The following TP53BP2 variants were observed in gnomAD, a reference collection of about 807,000 sequenced individuals.
The protein encoded by TP53BP2 is tumor protein p53 binding protein 2.
TP53BP2 carries 62 observed loss-of-function variants against 126.2 expected under a neutral mutation model. The ratio of observed to expected loss-of-function variants is 0.49; its 90% CI spans 0.40 to 0.61. The LOEUF is 0.61. TP53BP2 is among the 20% of genes least tolerant of loss of function. The pLI, the probability that TP53BP2 is intolerant of heterozygous loss-of-function variation, is 0.00. For missense variants in TP53BP2, 1,215 were observed against 1,402.8 expected, an observed-to-expected ratio of 0.87 and a Z score of 2.14; for synonymous variants, 485 against 502.9, an observed-to-expected ratio of 0.96 and a Z score of 0.48.
intron 1 of TP53BP2, among the ~76,000 whole-genome samples, chr1:223,839,353 G>C (rs1391046336): frequency 2.0e-5 from 3 of 152,222 alleles, no homozygotes; most frequent in Non-Finnish European, 4.4e-5. Flanking sequence ...ACCAGGCACA[G>C]TGTGAGGCAC....
chr1:223,804,170 T>C lies in TP53BP2; in HGVS notation c.649+4A>G. On this transcript the variant is annotated splice_donor_region_variant and intron_variant, in intron 6 of 17. Transcript: ENST00000343537. ...AAAAAGTAAATCTATGAGGAACAAC[T>C]CACCAAGTTTCCCATTGCTTAGTCT... 1 of 1,597,338 alleles carries C rather than the reference T, an allele frequency of 6.3e-7. No homozygotes were observed. Among genetic ancestry groups the C allele is most frequent in the Non-Finnish European group, 8.5e-7 (1 of 1,175,530 alleles).
intron 16 of TP53BP2, among the ~76,000 whole-genome samples, chr1:223,787,803 T>G (rs1003483051): frequency 2.6e-5 from 4 of 151,676 alleles, no homozygotes; most frequent in Admixed American, 6.6e-5. Context: ...ACCTGAGCCC[T>G]GGCAGTCAAG....
intron 17 of TP53BP2, among the ~76,000 whole-genome samples, chr1:223,783,741 G>C (rs1379713736): frequency 6.6e-6 from 1 of 152,162 alleles, no homozygotes; most frequent in Non-Finnish European, 1.5e-5. Context: ...AAATCAAATA[G>C]TACAGAAAAA....
intron 1 of TP53BP2, chr1:223,845,312 T>A: frequency 1.1e-6 from 1 of 946,966 alleles, no homozygotes; most frequent in Non-Finnish European, 1.3e-6. Context: ...GGTTCCCGTA[T>A]TCTTGACCTT....
At chr1:223,845,551 GC>G in intron 1 of TP53BP2, 102 bp downstream of exon 1, 7 of 1,264,766 alleles carry the variant, frequency 5.5e-6, no homozygotes, top group Admixed American at 4.0e-5. Context: ...GCGGGCTGCG[GC>G]CCCCAGGCTC....
chr1:223,829,738 A>C lies in TP53BP2; in HGVS notation c.28-8371T>G, dbSNP rs191193049. On this transcript the variant is annotated intron_variant, in intron 1 of 17. Coordinates refer to ENST00000343537, the MANE Select transcript of TP53BP2 (RefSeq NM_001031685.3). ...AGAGTGCAGCAATAATCAGGTCAAA[A>C]AAAAAAAAAAACAGCTGTTACAGAT... Among the ~76,000 whole-genome samples, 13 of 151,666 alleles carry C rather than the reference A, an allele frequency of 8.6e-5. No individual in the cohort carries two copies. In the East Asian group the frequency reaches 2.3e-3, roughly 27 times the overall value.
chr1:223,824,662 T>C (rs1460880901), intron 1 of TP53BP2, among the ~76,000 whole-genome samples: 1 of 152,082 alleles, frequency 6.6e-6, no homozygotes, highest in Non-Finnish European at 1.5e-5. Context: ...TCCCAGAACT[T>C]AAAATTAATT....
rs145847684 is a variant in TP53BP2 at position 223,835,044 on chromosome 1, A to G, written c.27+10610T>C. Among the ~76,000 whole-genome samples, 914 of 152,336 alleles carry G rather than the reference A, an allele frequency of 6.0e-3. 11 individuals are homozygous for G. The highest frequency in any genetic ancestry group is 0.019 in the African/African-American group (780 of 41,572). Reference sequence around the variant, plus strand: ...ATCTCACACAAAGCAAATATGCAATACATGTTTGTTGGACTGAACTGAAAC... The same window carrying G: ...ATCTCACACAAAGCAAATATGCAATGCATGTTTGTTGGACTGAACTGAAAC... On this transcript the variant is annotated intron_variant, in intron 1 of 17. Transcript: ENST00000343537.
intron 1 of TP53BP2, among the ~76,000 whole-genome samples, chr1:223,829,548 T>C (rs1296220453): frequency 6.6e-6 from 1 of 152,176 alleles, no homozygotes; most frequent in Non-Finnish European, 1.5e-5. Context: ...TTCTCAAGAA[T>C]GTAAGATGAC....
Position 223,792,482 on chromosome 1 carries a change from G to T in TP53BP2, c.2903C>A (p.Ala968Asp), listed in dbSNP as rs959841454. ...GCCTGCACACACAGCATTGTGAAGA[G>T]CCGTGATGCCTTCATCATTGGGGAG... ...PSLPNDEGITALHNAVCAGHT... is the reference protein window; with the variant it reads ...PSLPNDEGITDLHNAVCAGHT... Residue 968 changes from alanine to aspartate, a missense_variant, in exon 15 of 18, where the codon GCT becomes GAT. Around this residue, in one of 4 missense-constraint regions of TP53BP2, gnomAD observed 151 missense variants for 231.2 expected, o/e 0.65. Coordinates refer to ENST00000343537, the MANE Select transcript of TP53BP2 (RefSeq NM_001031685.3). 6.2e-7 allele frequency: 1 copy of T among 1,614,044 alleles called. No individual in the cohort carries two copies. The highest frequency in any genetic ancestry group is 8.5e-7 in the Non-Finnish European group (1 of 1,179,952).
intron 3 of TP53BP2, among the ~76,000 whole-genome samples, chr1:223,811,122 T>C (rs1662895004): frequency 6.6e-6 from 1 of 152,150 alleles, no homozygotes; most frequent in South Asian, 2.1e-4. Flanking sequence ...AGAAACACTA[T>C]ATATTCTGCT....
Position 223,814,354 on chromosome 1 carries a change from C to A in TP53BP2, c.176-1G>T. On this transcript the variant is annotated splice_acceptor_variant, in intron 2 of 17. Transcript: ENST00000343537. LOFTEE classifies it high-confidence loss of function. ...CGCTCATTATCCGCAACTGGACGTT[C>A]TAAAGCAAATGAGTAGAAACCACAT... 6.2e-7 allele frequency: 1 copy of A among 1,607,024 alleles called. No individual in the cohort carries two copies. The highest frequency in any genetic ancestry group is 1.1e-5 in the South Asian group (1 of 90,838).
chr1:223,833,984 A>G (rs1327603345), intron 1 of TP53BP2, among the ~76,000 whole-genome samples: 1 of 152,210 alleles, frequency 6.6e-6, no homozygotes, highest in Non-Finnish European at 1.5e-5. Context: ...GGGACTTTTG[A>G]GCTGAGACTG....
chr1:223,824,815 CTG>C (rs898602757), intron 1 of TP53BP2, among the ~76,000 whole-genome samples: 3 of 152,040 alleles, frequency 2.0e-5, no homozygotes, highest in African/African-American at 7.2e-5. Context: ...CCCCCTCACT[CTG>C]TGCTCTATCA....
At chr1:223,826,112 C>T (rs747042715) in intron 1 of TP53BP2, 1 of 152,236 alleles carries the variant, frequency 6.6e-6, no homozygotes, top group Admixed American at 6.5e-5. Flanking sequence ...AATGTGCCAA[C>T]CAGAGGCAAC....
At chr1:223,782,087 G>A (rs867900945) in intron 17 of TP53BP2, among the ~76,000 whole-genome samples, 2 of 152,072 alleles carry the variant, frequency 1.3e-5, no homozygotes, top group African/African-American at 2.4e-5. Context: ...GTACAACTTG[G>A]TGACTATAAT....
intron 16 of TP53BP2, 140 bp downstream of exon 16, chr1:223,788,868 A>C (rs1397913280): frequency 1.3e-6 from 1 of 777,286 alleles, no homozygotes; most frequent in African/African-American, 1.8e-5. Context: ...ATCTGTGACC[A>C]AGGCTGTTGT....
At chr1:223,832,333 C>T (rs554347090) in intron 1 of TP53BP2, among the ~76,000 whole-genome samples, 7 of 152,274 alleles carry the variant, frequency 4.6e-5, no homozygotes, top group African/African-American at 1.7e-4. Flanking sequence ...TTGCAACTCA[C>T]AAGAAATACC....
At chr1:223,797,160 A>T (rs1662352802) in intron 12 of TP53BP2, among the ~76,000 whole-genome samples, 1 of 152,152 alleles carries the variant, frequency 6.6e-6, no homozygotes, top group Non-Finnish European at 1.5e-5. Context: ...ATATATACTG[A>T]TTCTTTGCTA....
Sources: allele counts gnomAD v4.1 joint callset (sites outside exome capture counted in the v4.1 genomes callset), GRCh38; gene constraint gnomAD v4.1.1; regional missense constraint gnomAD v4.1.1; transcripts MANE v1.5; gene names NCBI Gene and HGNC (gene_info 2026-07-23, HGNC 2026-07-21).